BAIAP3: variants seen among roughly 807,000 people sequenced by gnomAD.
BAIAP3 encodes the protein BAI1 associated protein 3, also known as BAI1-associated protein 3.
In BAIAP3, 180 loss-of-function variants were observed where a neutral mutation model predicts 149.7. The ratio of observed to expected loss-of-function variants is 1.20; its 90% confidence interval spans 1.07 to 1.36. The LOEUF (loss-of-function observed/expected upper bound fraction) is 1.36. Ranked by LOEUF, BAIAP3 falls within the 40% of genes most tolerant of loss-of-function variation. BAIAP3 has a pLI of 0.00. For synonymous variants in BAIAP3, 845 were observed against 670.7 expected (o/e 1.26, Z -4.02); for missense variants, 1,767 against 1,563.4 (o/e 1.13, Z -2.20).
In BAIAP3 at chr16:1,345,079, C is replaced by G; in HGVS notation, c.1920C>G (p.Phe640Leu). 6.2e-7 allele frequency: 1 copy of G among 1,612,626 alleles called. No individual in the cohort carries two copies. Among genetic ancestry groups the G allele is most frequent in the Middle Eastern group, 1.8e-4 (1 of 5,486 alleles). Residue 640 changes from phenylalanine to leucine, a missense_variant, in exon 21 of 34, where the codon TTC becomes TTG. By Grantham distance (22) the Phe-to-Leu change is conservative (BLOSUM62 0). Transcript: ENST00000426824. ...TGACCCTGGCTGACCTCCAGCGCTT[C>G]TGGGATAGCATCCCTGGCCGGTGGG... ...LYLTLADLQR[F>L]WDSIPGRDSR... is the part of the protein sequence containing the mutation.
intron 4 of BAIAP3, 51 bp downstream of exon 4, chr16:1,339,295 T>C (rs752285683): frequency 1.9e-6 from 3 of 1,541,400 alleles, no homozygotes; most frequent in Non-Finnish European, 1.7e-6. Flanking sequence ...GGCTGCTCCC[T>C]CAGCCGTTTA....
chr16:1,342,217 C>T lies in BAIAP3; in HGVS notation c.891C>T (p.Asn297=), dbSNP rs142979816. The change falls in exon 11 of 34, where the codon AAC becomes AAT. Residue 297 remains asparagine, a synonymous_variant. Transcript: ENST00000426824. ...FKQIVKSARA[N]GTAGPTEDHT... ...AGATCGTCAAGTCAGCCCGCGCAAA[C>T]GGGACAGCAGGACCCACCGAGGACC... The T allele has an allele frequency of 7.7e-5, 123 of 1,606,358 alleles. 1 individual carries two copies. Among genetic ancestry groups the T allele is most frequent in the South Asian group, 2.5e-4 (23 of 90,722 alleles).
intron 10 of BAIAP3, 48 bp from the exon 11 acceptor site, chr16:1,342,133 G>T: frequency 6.4e-7 from 1 of 1,570,244 alleles, no homozygotes. Context: ...GGCGGGCAGT[G>T]GCTCCCCAGG....
chr16:1,344,709 C>T lies in BAIAP3; in HGVS notation c.1757+11C>T, dbSNP rs1174701395. 13 of 1,612,664 alleles carry T rather than the reference C, an allele frequency of 8.1e-6. No individual in the cohort carries two copies. The highest frequency in any genetic ancestry group is 1.1e-5 in the Non-Finnish European group (13 of 1,179,924). ...CAGCCTCTTCCACAGGTGGGCCTGGCCCCTCAGTGCTGTCCTGGGGCTGGG... is the reference window on the plus strand; with the variant it reads ...CAGCCTCTTCCACAGGTGGGCCTGGTCCCTCAGTGCTGTCCTGGGGCTGGG... On this transcript the variant is annotated intron_variant, in intron 19 of 33. Coordinates refer to ENST00000426824, the MANE Select transcript of BAIAP3 (RefSeq NM_001199097.2).
In BAIAP3 at chr16:1,347,291, GCCC is replaced by G; in HGVS notation, c.2752-5_2752-3del. 6.2e-7 allele frequency: 1 copy of G among 1,612,746 alleles called. No individual in the cohort carries two copies. The highest frequency in any genetic ancestry group is 8.5e-7 in the Non-Finnish European group (1 of 1,179,766). On this transcript the variant is annotated splice_polypyrimidine_tract_variant and splice_region_variant and intron_variant, in intron 28 of 33. Transcript: ENST00000426824. ...CCTGACACCTCTGCCTTCTTTCCCT[GCCC>G]CAGGCCCTGGTCAGTTTTTTCCACG...
rs114198514 is a variant in BAIAP3, at chr16:1,346,949, G to A, written c.2745G>A (p.Thr915=). The change falls in exon 28 of 34, where the codon ACG becomes ACA. Residue 915 remains threonine (T), a synonymous_variant. Coordinates refer to ENST00000426824, the MANE Select transcript of BAIAP3 (RefSeq NM_001199097.2). ...ATTTCTACAGCCGCTTCCATTTCAC[G>A]CTGGAGGTAGAGCTCTGTGAAGGAG... is the stretch of plus-strand genomic sequence containing the variant. ...SADFYSRFHF[T]LEALVSFFHA... The A allele has an allele frequency of 2.0e-4, 329 of 1,607,680 alleles. 1 individual carries two copies. The highest frequency in any genetic ancestry group is 1.1e-4 in the East Asian group (5 of 44,762).
In BAIAP3 at chr16:1,339,155, C is replaced by G; in HGVS notation, c.220-9C>G. The stretch of plus-strand genomic sequence containing the variant: ...CCGTCAGAGCCCTCACCCTGGGCCC[C>G]ACACACAGGTCCCCCTGCGCAGTGG... On this transcript the variant is annotated splice_polypyrimidine_tract_variant and intron_variant, in intron 3 of 33. Coordinates refer to ENST00000426824, the MANE Select transcript of BAIAP3 (RefSeq NM_001199097.2). 6.4e-7 allele frequency: 1 copy of G among 1,565,986 alleles called. No homozygotes were observed. The highest frequency in any genetic ancestry group is 1.7e-4 in the Middle Eastern group (1 of 6,002).
Position 1,347,688 on chromosome 16 carries a change from C to G in BAIAP3, c.2905-13C>G, listed in dbSNP as rs200094808. 2 of 1,611,222 alleles carry G rather than the reference C, an allele frequency of 1.2e-6. No individual in the cohort carries two copies. The highest frequency in any genetic ancestry group is 1.1e-5 in the South Asian group (1 of 91,036). ...CTCCCAGAGCCCAGCTGCGCTCACC[C>G]GCCTTTCCGCAGAGGACCCTGGAGC... is the stretch of plus-strand genomic sequence containing the variant. On this transcript the variant is annotated splice_polypyrimidine_tract_variant and intron_variant, in intron 30 of 33. Coordinates refer to ENST00000426824, the MANE Select transcript of BAIAP3 (RefSeq NM_001199097.2).
intron 28 of BAIAP3, 42 bp from the exon 29 acceptor site, chr16:1,347,256 A>G: frequency 6.3e-7 from 1 of 1,598,334 alleles, no homozygotes; most frequent in Non-Finnish European, 8.6e-7. Flanking sequence ...CCCCAGCACA[A>G]GCCAGGCTCC....
intron 6 of BAIAP3, 52 bp downstream of exon 6, chr16:1,341,033 G>T: frequency 6.2e-7 from 1 of 1,609,926 alleles, no homozygotes; most frequent in Non-Finnish European, 8.5e-7. Context: ...CCTGCGTGGC[G>T]GGGGCACGGG....
chr16:1,346,819 G>T (rs749408730), intron 27 of BAIAP3, 28 bp from the exon 28 acceptor site: 1 of 1,550,410 alleles, frequency 6.4e-7, no homozygotes, highest in Non-Finnish European at 8.7e-7. Context: ...GGTGGGGCTG[G>T]CCCGTGGTCA....
rs769480375 is a variant in BAIAP3 at position 1,347,944 on chromosome 16, C to G, written c.3076C>G (p.Pro1026Ala). ...IVELGPPHLF[P>A]LVRSQRTQVK... ...GGAGCTGGGCCCACCGCATCTCTTT[C>G]CACTGGTCCGCAGCCAGAGGACCCA... Residue 1026 changes from proline to alanine, a missense_variant, in exon 32 of 34, where the codon CCA becomes GCA. Transcript: ENST00000426824. 1.2e-6 allele frequency: 2 copies of G among 1,612,116 alleles called. No individual in the cohort carries two copies. The highest frequency in any genetic ancestry group is 1.1e-5 in the South Asian group (1 of 91,088).
At position 1,344,624 on chromosome 16, in the gene BAIAP3, G is replaced by C. The variant is rs375942509; in HGVS notation, c.1683G>C (p.Gly561=). Residue 561 remains glycine, a synonymous_variant, in exon 19 of 34, where the codon GGG becomes GGC. Coordinates refer to ENST00000426824, the MANE Select transcript of BAIAP3 (RefSeq NM_001199097.2). ...REQPGPQRLP[G]LVVLADAVYD... ...AGCCAGGACCACAGCGCCTGCCTGG[G>C]CTGGTTGTGCTGGCTGACGCCGTCT... The C allele has an allele frequency of 8.7e-6, 14 of 1,613,198 alleles. No homozygotes were observed. The African/African-American group carries it at 1.9e-4, about 22-fold the overall frequency.
In BAIAP3 at chr16:1,342,057, T is replaced by G. The variant is rs201986231; in HGVS notation, c.848T>G (p.Met283Arg). The G allele has an allele frequency of 4.8e-5, 77 of 1,603,984 alleles. No homozygotes were observed. The Admixed American group carries it at 7.8e-4, about 16-fold the overall frequency. The change falls in exon 10 of 34, where the codon ATG becomes AGG. Residue 283 changes from methionine (M) to arginine (R), a missense_variant. Met to Arg is a moderately conservative substitution (Grantham distance 91). Coordinates refer to ENST00000426824, the MANE Select transcript of BAIAP3 (RefSeq NM_001199097.2). ...KLNEVIGLKGMGRYFKQIVKS... is the reference protein window; with the variant it reads ...KLNEVIGLKGRGRYFKQIVKS... The stretch of plus-strand genomic sequence containing the variant: ...AATGAAGTCATCGGCCTGAAGGGCA[T>G]GGGCAGGTATGACTGCTGGGACCTT...
intron 1 of BAIAP3, chr16:1,336,415 A>C (rs571323463): frequency 2.0e-6 from 2 of 983,696 alleles, no homozygotes; most frequent in African/African-American, 3.5e-5. Flanking sequence ...TCCCCCCCGC[A>C]AGCATTGCCT....
intron 14 of BAIAP3, 129 bp downstream of exon 14, chr16:1,343,145 G>C (rs983654449): frequency 8.8e-7 from 1 of 1,132,708 alleles, no homozygotes; most frequent in East Asian, 2.6e-5. Context: ...GTGCTGAGTA[G>C]GTGGGGCTGC....
intron 29 of BAIAP3, 60 bp from the exon 30 acceptor site, chr16:1,347,485 C>G: frequency 1.3e-6 from 2 of 1,570,436 alleles, no homozygotes. Context: ...GTCAGGTCTC[C>G]AAGTGCCAGC....
rs757447054 is a variant in BAIAP3, at chr16:1,341,995, C to A, written c.786C>A (p.Asp262Glu). 1 of 1,599,040 alleles carries A rather than the reference C, an allele frequency of 6.3e-7. No homozygotes were observed. The highest frequency in any genetic ancestry group is 1.1e-5 in the South Asian group (1 of 89,016). Residue 262 changes from aspartate (D) to glutamate (E), a missense_variant, in exon 10 of 34, where the codon GAC becomes GAA. Coordinates refer to ENST00000426824, the MANE Select transcript of BAIAP3 (RefSeq NM_001199097.2). Reference sequence around the variant, plus strand: ...CCCCTGTCCCCACCAGGGATCATGACGACGATGTATCCCTGGTAGAAGCGT... The same window carrying A: ...CCCCTGTCCCCACCAGGGATCATGAAGACGATGTATCCCTGGTAGAAGCGT... ...DQLHLDIWDH[D>E]DDVSLVEACR... is the part of the protein sequence containing the mutation.
rs887711480 is a variant in BAIAP3, at chr16:1,348,919, C to G, written c.*437C>G. 8 of 259,508 alleles carry G rather than the reference C, an allele frequency of 3.1e-5. No homozygotes were observed. The highest frequency in any genetic ancestry group is 3.1e-4 in the East Asian group (3 of 9,834). The allele number at this position is 259,508 out of a possible 1,614,324, so 16.1% of individuals were successfully genotyped here. A position where few individuals can be genotyped will look rare whatever the true frequency, so the allele number is the denominator to read the frequency against. On this transcript the variant is annotated 3_prime_UTR_variant, in exon 34 of 34. Transcript: ENST00000426824. ...TCACAGCTGGGGAGTGAAAAGGGTGCCACTGGCACCACTGGGTGGATGGTC... is the reference window on the plus strand; with the variant it reads ...TCACAGCTGGGGAGTGAAAAGGGTGGCACTGGCACCACTGGGTGGATGGTC...
Sources: gnomAD v4.1 joint callset for allele counts on GRCh38, gnomAD v4.1.1 for gene constraint, MANE v1.5 for transcripts, NCBI Gene and HGNC (gene_info 2026-07-23, HGNC 2026-07-21) for gene names.